SLC8A1: variants seen among roughly 807,000 people sequenced by gnomAD.
The protein encoded by SLC8A1 is solute carrier family 8 member A1, also known as sodium/calcium exchanger 1.
A neutral mutation model predicts 68.3 loss-of-function variants in SLC8A1; 18 were observed. That is an observed-to-expected ratio of 0.26 (90% confidence interval 0.18 to 0.39). The LOEUF (loss-of-function observed/expected upper bound fraction) is 0.39, where lower values mean the gene tolerates loss of function less well. SLC8A1 is among the 10% of genes least tolerant of loss of function. The probability of loss-of-function intolerance (pLI) is 1.00; values close to 1 mark genes in which losing one functional copy is unlikely to be tolerated. For synonymous variants in SLC8A1, 475 were observed against 415.5 expected (o/e 1.14, Z -1.74); for missense variants, 985 against 1,156.7 (o/e 0.85, Z 2.15).
At chr2:40,264,116 C>A (rs1170445023) in intron 2 of SLC8A1, among the ~76,000 whole-genome samples, 6 of 152,008 alleles carry the variant, frequency 3.9e-5, no homozygotes, top group African/African-American at 1.5e-4. Flanking sequence ...TCATCACTGG[C>A]CATCAGAGAA....
intron 2 of SLC8A1, among the ~76,000 whole-genome samples, chr2:40,217,806 C>T (rs993280766): frequency 2.6e-5 from 4 of 152,184 alleles, no homozygotes; most frequent in Non-Finnish European, 5.9e-5. Flanking sequence ...AGTTACATAA[C>T]TTAATTGATA....
At chr2:40,335,857 A>G (rs1361595995) in intron 2 of SLC8A1, among the ~76,000 whole-genome samples, 1 of 152,244 alleles carries the variant, frequency 6.6e-6, no homozygotes, top group East Asian at 1.9e-4. Flanking sequence ...ATATCAGTGG[A>G]ATGAGCCTAT....
chr2:40,288,590 G>C (rs554667465), intron 2 of SLC8A1, among the ~76,000 whole-genome samples: 1 of 151,970 alleles, frequency 6.6e-6, no homozygotes, highest in Non-Finnish European at 1.5e-5. Flanking sequence ...TTCATCCTGG[G>C]AGTCAGTTAT....
rs1667623316 is a variant in SLC8A1, at chr2:40,341,314, GTAAA to G, written c.1808+87155_1808+87158del. 2.6e-5 allele frequency among the ~76,000 whole-genome samples: 4 copies of G among 152,252 alleles called. No individual in the cohort carries two copies. The South Asian group carries it at 8.3e-4, about 32-fold the overall frequency. On this transcript the variant is annotated intron_variant, in intron 2 of 7. Coordinates refer to ENST00000406785, the Ensembl canonical transcript of SLC8A1. ...CAAATTTGGATAAGTAAGTAAATAA[GTAAA>G]TAAATAAAGCAAATGGTAGTGGCTA...
At chr2:40,463,060 A>T (rs1410056860) in intron 1 of SLC8A1, among the ~76,000 whole-genome samples, 1 of 152,204 alleles carries the variant, frequency 6.6e-6, no homozygotes, top group African/African-American at 2.4e-5. Flanking sequence ...TAACCAAATT[A>T]CACAATTTAG....
intron 1 of SLC8A1, among the ~76,000 whole-genome samples, chr2:40,480,324 T>C (rs776781269): frequency 6.6e-6 from 1 of 152,042 alleles, no homozygotes; most frequent in Non-Finnish European, 1.5e-5. Context: ...TATGAGGAGG[T>C]GTGACTTTGG....
At chr2:40,484,509 G>A (rs1439652341) in intron 1 of SLC8A1, among the ~76,000 whole-genome samples, 10 of 152,178 alleles carry the variant, frequency 6.6e-5, no homozygotes, top group Non-Finnish European at 2.9e-5. Context: ...GGCCTTTCCT[G>A]ATGATTCCGC....
At chr2:40,454,645 C>G (rs921276725), upstream of SLC8A1, among the ~76,000 whole-genome samples, 3 of 152,172 alleles carry the variant, frequency 2.0e-5, no homozygotes, top group African/African-American at 7.2e-5. Context: ...ATTGGAGAGG[C>G]AGCCTAGTGC....
intron 4 of SLC8A1, among the ~76,000 whole-genome samples, chr2:40,166,817 A>G (rs904563083): frequency 6.6e-6 from 1 of 152,214 alleles, no homozygotes; most frequent in African/African-American, 2.4e-5. Flanking sequence ...TCTTTGTTTG[A>G]AACTTTGGCT....
chr2:40,279,468 A>G (rs2067208792), intron 2 of SLC8A1, among the ~76,000 whole-genome samples: 1 of 152,198 alleles, frequency 6.6e-6, no homozygotes, highest in African/African-American at 2.4e-5. Flanking sequence ...AGGAGAAGTG[A>G]TTAGAATAAT....
At chr2:40,176,017 A>G in intron 3 of SLC8A1, 2 of 446,122 alleles carry the variant, frequency 4.5e-6, no homozygotes, top group South Asian at 1.6e-5. Flanking sequence ...GGAAACTGAC[A>G]GGGCATTGGG....
intron 1 of SLC8A1, among the ~76,000 whole-genome samples, chr2:40,501,224 A>G (rs76306609): frequency 0.014 from 2,172 of 151,760 alleles, 62 homozygotes; most frequent in African/African-American, 0.05. Flanking sequence ...ATCCTTCTCT[A>G]TCTCTTTATC....
At chr2:40,302,086 G>A (rs189770460) in intron 2 of SLC8A1, among the ~76,000 whole-genome samples, 3 of 115,840 alleles carry the variant, frequency 2.6e-5, no homozygotes, top group African/African-American at 9.4e-5. Context: ...TAGTAGAGAA[G>A]GGGTTTCGCC....
chr2:40,259,812 T>C (rs551671091), intron 2 of SLC8A1, among the ~76,000 whole-genome samples: 66 of 152,342 alleles, frequency 4.3e-4, no homozygotes, highest in African/African-American at 1.4e-3. Flanking sequence ...TGGGCTAGTA[T>C]ACCAAGTAAA....
intron 2 of SLC8A1, among the ~76,000 whole-genome samples, chr2:40,406,335 G>C (rs1165814557): frequency 2.0e-5 from 3 of 152,042 alleles, no homozygotes; most frequent in Non-Finnish European, 4.4e-5. Context: ...CATGAATGCA[G>C]AGTTATTTTT....
At chr2:40,180,761 T>C (rs1415636398) in intron 2 of SLC8A1, among the ~76,000 whole-genome samples, 1 of 152,190 alleles carries the variant, frequency 6.6e-6, no homozygotes, top group Non-Finnish European at 1.5e-5. Flanking sequence ...CATCACATAT[T>C]TTATTGGATT....
Position 40,330,230 on chromosome 2 carries a change from G to C in SLC8A1, c.1808+98243C>G, listed in dbSNP as rs548555934. On this transcript the variant is annotated intron_variant, in intron 2 of 7. Transcript: ENST00000406785. Reference sequence around the variant, plus strand: ...TTTTCCATTTGCATAGTAGAGGCAGGATGATAGTATATGTTTTTGTCTGAA... The same window carrying C: ...TTTTCCATTTGCATAGTAGAGGCAGCATGATAGTATATGTTTTTGTCTGAA... Among the ~76,000 whole-genome samples the C allele has an allele frequency of 2.9e-4, 44 of 152,266 alleles. No individual in the cohort carries two copies. In the South Asian group the frequency reaches 8.9e-3, roughly 31 times the overall value.
chr2:40,375,233 C>A (rs550140545), intron 2 of SLC8A1, among the ~76,000 whole-genome samples: 2 of 152,002 alleles, frequency 1.3e-5, no homozygotes, highest in Non-Finnish European at 2.9e-5. Flanking sequence ...AATAGAAACC[C>A]TAAGAACAGC....
intron 2 of SLC8A1, among the ~76,000 whole-genome samples, chr2:40,248,646 G>A (rs1425618081): frequency 6.6e-6 from 1 of 152,110 alleles, no homozygotes; most frequent in Non-Finnish European, 1.5e-5. Flanking sequence ...ATTGGGGGAG[G>A]TAATAAAATA....
Sources: allele counts gnomAD v4.1 joint callset (sites outside exome capture counted in the v4.1 genomes callset), GRCh38; gene constraint gnomAD v4.1.1; transcripts MANE v1.5; gene names NCBI Gene and HGNC (gene_info 2026-07-23, HGNC 2026-07-21).